The following GALNTL6 variants were observed in gnomAD, a reference collection of about 807,000 sequenced individuals.
GALNTL6 encodes the protein polypeptide N-acetylgalactosaminyltransferase like 6.
Under a neutral mutation model 73.7 loss-of-function variants are expected in GALNTL6, and 46 were observed. The ratio of observed to expected loss-of-function variants is 0.62; its 90% confidence interval spans 0.49 to 0.80. The LOEUF (loss-of-function observed/expected upper bound fraction) is 0.80. GALNTL6 is among the 30% of genes least tolerant of loss of function. The pLI, the probability that GALNTL6 is intolerant of heterozygous loss-of-function variation, is 0.00. For missense variants in GALNTL6, 604 were observed against 755.0 expected, an observed-to-expected ratio of 0.80 and a Z score of 2.34; for synonymous variants, 259 against 263.7, an observed-to-expected ratio of 0.98 and a Z score of 0.17.
intron 12 of GALNTL6, among the ~76,000 whole-genome samples, chr4:173,033,266 G>A (rs868338901): frequency 6.6e-6 from 1 of 151,674 alleles, no homozygotes; most frequent in Non-Finnish European, 1.5e-5. Context: ...GCCTCCCAAG[G>A]TGCTGGGATT....
intron 5 of GALNTL6, among the ~76,000 whole-genome samples, chr4:172,754,762 C>A (rs1737642769): frequency 1.3e-5 from 2 of 151,272 alleles, no homozygotes; most frequent in Non-Finnish European, 2.9e-5. Flanking sequence ...TAATGTTGGC[C>A]CAACTCTTCC....
chr4:172,223,787 A>T (rs561954929), intron 2 of GALNTL6, among the ~76,000 whole-genome samples: 1 of 152,264 alleles, frequency 6.6e-6, no homozygotes, highest in South Asian at 2.1e-4. Flanking sequence ...ACCTTTCTAA[A>T]CACTAGTTTA....
At chr4:172,024,615 G>C (rs993418386) in intron 2 of GALNTL6, among the ~76,000 whole-genome samples, 1 of 151,786 alleles carries the variant, frequency 6.6e-6, no homozygotes, top group East Asian at 1.9e-4. Flanking sequence ...ATCAAATTTG[G>C]AGTAATTAGT....
At chr4:172,351,177 A>ATCTG (rs71592071) in intron 5 of GALNTL6, among the ~76,000 whole-genome samples, 57,774 of 146,242 alleles carry the variant, frequency 0.4, 11,485 homozygotes, top group South Asian at 0.47. Flanking sequence ...ATCCACAATA[A>ATCTG]TCTGTCTATC....
intron 3 of GALNTL6, among the ~76,000 whole-genome samples, chr4:172,259,835 A>C (rs1216710162): frequency 6.6e-6 from 1 of 151,522 alleles, no homozygotes; most frequent in African/African-American, 2.4e-5. Context: ...TGCTTTGCCA[A>C]TTATCACAGC....
chr4:172,230,393 C>T (rs1048301803), intron 3 of GALNTL6, among the ~76,000 whole-genome samples: 2 of 151,968 alleles, frequency 1.3e-5, no homozygotes, highest in African/African-American at 4.8e-5. Flanking sequence ...CGAGACCATC[C>T]TGGCTAACGC....
intron 10 of GALNTL6, among the ~76,000 whole-genome samples, chr4:172,983,427 G>T (rs1346773273): frequency 2.0e-5 from 3 of 152,204 alleles, no homozygotes; most frequent in East Asian, 1.9e-4. Flanking sequence ...AGGTGCGGTG[G>T]CTCACACCTG....
chr4:172,325,588 T>C, intron 4 of GALNTL6, among the ~76,000 whole-genome samples: 1 of 151,904 alleles, frequency 6.6e-6, no homozygotes, highest in Non-Finnish European at 1.5e-5. Flanking sequence ...TTCCTGTAAT[T>C]TTCAATGTAC....
At chr4:172,115,205 C>T (rs1349231604) in intron 2 of GALNTL6, among the ~76,000 whole-genome samples, 1 of 152,044 alleles carries the variant, frequency 6.6e-6, no homozygotes, top group Non-Finnish European at 1.5e-5. Context: ...ATACCAAAGG[C>T]CTTGTCCAGT....
chr4:172,870,047 T>A (rs1056602707), intron 7 of GALNTL6, among the ~76,000 whole-genome samples: 5 of 144,082 alleles, frequency 3.5e-5, no homozygotes, highest in African/African-American at 1.3e-4. Flanking sequence ...CAGGTGACCT[T>A]TACTGTCATC....
chr4:172,413,852 T>C (rs1157844122), intron 5 of GALNTL6, among the ~76,000 whole-genome samples: 5 of 152,106 alleles, frequency 3.3e-5, no homozygotes, highest in Non-Finnish European at 7.4e-5. Flanking sequence ...TTTCCATTTA[T>C]CTTTATTTCC....
intron 5 of GALNTL6, among the ~76,000 whole-genome samples, chr4:172,385,028 GT>G (rs35364844): frequency 0.24 from 31,505 of 128,672 alleles, 3,795 homozygotes; most frequent in East Asian, 0.36. Flanking sequence ...TTGTTTTTTT[GT>G]TTTTTTTTTT....
chr4:171,935,278 G>A (rs1738306034), intron 2 of GALNTL6, among the ~76,000 whole-genome samples: 1 of 152,116 alleles, frequency 6.6e-6, no homozygotes, highest in Non-Finnish European at 1.5e-5. Context: ...ATGTAAGCTG[G>A]CACCTAGAGT....
At chr4:172,016,037 GC>G (rs1741184462) in intron 2 of GALNTL6, among the ~76,000 whole-genome samples, 1 of 138,676 alleles carries the variant, frequency 7.2e-6, no homozygotes, top group African/African-American at 2.6e-5. Context: ...ATTTCTAAGT[GC>G]CTAGGTGATA....
chr4:172,012,080 ACT>A (rs1741027469), intron 2 of GALNTL6, among the ~76,000 whole-genome samples: 1 of 151,946 alleles, frequency 6.6e-6, no homozygotes, highest in Admixed American at 6.6e-5. Context: ...AGTTAAACGA[ACT>A]CTGTAATTTC....
chr4:172,684,517 T>C (rs771001659), intron 5 of GALNTL6, among the ~76,000 whole-genome samples: 1 of 152,138 alleles, frequency 6.6e-6, no homozygotes, highest in Non-Finnish European at 1.5e-5. Flanking sequence ...AAAAAGTATA[T>C]GATTAAATGC....
chr4:172,887,645 T>C (rs1579612660), intron 8 of GALNTL6, among the ~76,000 whole-genome samples: 1 of 151,892 alleles, frequency 6.6e-6, no homozygotes. Flanking sequence ...CTCACTGCAA[T>C]CTCCGCCTCC....
intron 5 of GALNTL6, among the ~76,000 whole-genome samples, chr4:172,362,161 C>T (rs570572347): frequency 6.6e-6 from 1 of 152,052 alleles, no homozygotes; most frequent in Non-Finnish European, 1.5e-5. Context: ...GTAAGAACCT[C>T]CTTTTATACC....
intron 5 of GALNTL6, among the ~76,000 whole-genome samples, chr4:172,478,032 C>A (rs1044247923): frequency 6.6e-6 from 1 of 152,078 alleles, no homozygotes; most frequent in Admixed American, 6.6e-5. Flanking sequence ...ACTCTTTGTA[C>A]CTGTGGAGTT....
Sources: allele counts gnomAD v4.1 joint callset (sites outside exome capture counted in the v4.1 genomes callset), GRCh38; gene constraint gnomAD v4.1.1; transcripts MANE v1.5; gene names NCBI Gene and HGNC (gene_info 2026-07-23, HGNC 2026-07-21).